Variants in RAB33B observed in about 807,000 individuals in gnomAD.
RAB33B encodes the protein RAB33B, member RAS oncogene family, also known as ras-related protein Rab-33B.
In RAB33B, 6 loss-of-function variants were observed where a neutral mutation model predicts 15.0. That is an observed-to-expected ratio of 0.40 (90% CI 0.22 to 0.79). RAB33B has a LOEUF of 0.79. Ranked by LOEUF, RAB33B falls within the 30% of genes least tolerant of loss-of-function variation. The probability of loss-of-function intolerance (pLI) is 0.37; values close to 1 mark genes in which losing one functional copy is unlikely to be tolerated. For synonymous variants in RAB33B, 117 were observed against 108.3 expected, an observed-to-expected ratio of 1.08 and a Z score of -0.50; for missense variants, 257 against 296.4, an observed-to-expected ratio of 0.87 and a Z score of 0.98.
At position 139,473,273 on chromosome 4, in the gene RAB33B, C is replaced by A; in HGVS notation, c.*147C>A. ...ATTGTCACGCTTTTGTATTTTGTAT[C>A]TACTTAAGTTTGTCACTGTGACAAC... is the stretch of plus-strand genomic sequence containing the variant. On this transcript the variant is annotated 3_prime_UTR_variant, in exon 2 of 2. Transcript: ENST00000305626. The A allele has an allele frequency of 1.3e-6, 1 of 778,506 alleles. No homozygotes were observed. Among genetic ancestry groups the A allele is most frequent in the Non-Finnish European group, 2.0e-6 (1 of 512,196 alleles). The allele number at this position is 778,506 out of a possible 1,614,324, so 48.2% of individuals were successfully genotyped here. A position where few individuals can be genotyped will look rare whatever the true frequency, so the allele number is the denominator to read the frequency against.
rs192074431 is a variant in RAB33B, at chr4:139,470,727, C to T, written c.250-1959C>T. ...GTATGCCAGCTGTTTTTTCAGGGCC[C>T]GAAGGCTCTTCAGTTAGCAGTGATG... On this transcript the variant is annotated intron_variant, in intron 1 of 1. Coordinates refer to ENST00000305626, the MANE Select transcript of RAB33B (RefSeq NM_031296.3). Among the ~76,000 whole-genome samples, 689 of 152,160 alleles carry T rather than the reference C, an allele frequency of 4.5e-3. 3 individuals are homozygous for T. Among genetic ancestry groups the T allele is most frequent in the Non-Finnish European group, 7.1e-3 (482 of 68,006 alleles).
chr4:139,438,705 A>G, the RAB33B span, among the ~76,000 whole-genome samples: 1 of 152,192 alleles, frequency 6.6e-6, no homozygotes, highest in Non-Finnish European at 1.5e-5. Flanking sequence ...CAATAACACT[A>G]GCTTTTGGCC....
chr4:139,451,103 C>G, upstream of RAB33B: 1 of 151,874 alleles, frequency 6.6e-6, no homozygotes, highest in East Asian at 1.9e-4. Flanking sequence ...GGTTTCGCCA[C>G]GTTGGCCAGG....
At chr4:139,456,363 C>T (rs549296497) in intron 1 of RAB33B, among the ~76,000 whole-genome samples, 1 of 152,060 alleles carries the variant, frequency 6.6e-6, no homozygotes, top group African/African-American at 2.4e-5. Flanking sequence ...GATTTGAGGG[C>T]CCTTTATCTG....
the RAB33B span, among the ~76,000 whole-genome samples, chr4:139,444,812 C>T: frequency 6.6e-6 from 1 of 152,144 alleles, no homozygotes. Context: ...TGGCAGAACC[C>T]CCACATTGGC....
chr4:139,459,217 T>C (rs1207559286), intron 1 of RAB33B, among the ~76,000 whole-genome samples: 1 of 151,154 alleles, frequency 6.6e-6, no homozygotes, highest in Middle Eastern at 3.3e-3. Flanking sequence ...CAAAGATCAC[T>C]TGAGCCCAGG....
At chr4:139,459,719 C>T (rs1463652955) in intron 1 of RAB33B, among the ~76,000 whole-genome samples, 3 of 151,854 alleles carry the variant, frequency 2.0e-5, no homozygotes, top group African/African-American at 4.8e-5. Flanking sequence ...CTGCAACCTC[C>T]GCCTTCAGGT....
chr4:139,463,998 C>T (rs1284704949), intron 1 of RAB33B, among the ~76,000 whole-genome samples: 2 of 152,200 alleles, frequency 1.3e-5, no homozygotes, highest in Admixed American at 6.5e-5. Flanking sequence ...TCAGGCTGGG[C>T]ATGATGGCTT....
the RAB33B span, among the ~76,000 whole-genome samples, chr4:139,440,837 C>G: frequency 6.6e-6 from 1 of 152,214 alleles, no homozygotes; most frequent in Non-Finnish European, 1.5e-5. Context: ...TCTTGAACTC[C>G]TGACCTCAGG....
chr4:139,447,156 C>G, the RAB33B span, among the ~76,000 whole-genome samples: 1 of 152,148 alleles, frequency 6.6e-6, no homozygotes, highest in Non-Finnish European at 1.5e-5. Context: ...GGCTCATGCT[C>G]ATGGAATTCA....
At position 139,458,991 on chromosome 4, in the gene RAB33B, A is replaced by G. The variant is rs1750119263; in HGVS notation, c.249+4547A>G. On this transcript the variant is annotated intron_variant, in intron 1 of 1. Coordinates refer to ENST00000305626, the MANE Select transcript of RAB33B (RefSeq NM_031296.3). ...GTATCTCATTGTGGTTTTGATTTAC[A>G]TTTCTCTCATGATTAGTGATGTTGA... is the stretch of plus-strand genomic sequence containing the variant. 1.3e-5 allele frequency among the ~76,000 whole-genome samples: 2 copies of G among 151,946 alleles called. 1 individual carries two copies. Among genetic ancestry groups the G allele is most frequent in the South Asian group, 4.1e-4 (2 of 4,828 alleles).
At position 139,475,038 on chromosome 4, in the gene RAB33B, A is replaced by T. The variant is rs1425678446; in HGVS notation, c.*1912A>T. The T allele has an allele frequency of 6.6e-6, 1 of 152,168 alleles. No individual in the cohort carries two copies. Among genetic ancestry groups the T allele is most frequent in the African/African-American group, 2.4e-5 (1 of 41,470 alleles). The allele number at this position is 152,168 out of a possible 1,614,324, so 9.4% of individuals were successfully genotyped here. ...AATGAACTAACTGAAAATAATAATT[A>T]TAGGAAGTGATTATTCCATTTTAAG... On this transcript the variant is annotated 3_prime_UTR_variant, in exon 2 of 2. Transcript: ENST00000305626.
chr4:139,446,104 C>A, the RAB33B span, among the ~76,000 whole-genome samples: 1 of 152,138 alleles, frequency 6.6e-6, no homozygotes, highest in African/African-American at 2.4e-5. Context: ...TATACGTGAT[C>A]AGGCTCGAGC....
upstream of RAB33B, chr4:139,449,874 T>C (rs1305082422): frequency 1.3e-5 from 2 of 152,106 alleles, no homozygotes; most frequent in Admixed American, 6.6e-5. Context: ...TTTACATATA[T>C]CAAATATTGG....
chr4:139,466,403 A>T (rs1246565163), intron 1 of RAB33B, among the ~76,000 whole-genome samples: 1 of 152,174 alleles, frequency 6.6e-6, no homozygotes, highest in Non-Finnish European at 1.5e-5. Context: ...AAAACATTAT[A>T]AGTCATTTTT....
At chr4:139,452,992 T>C (rs1361508321), upstream of RAB33B, 1 of 152,236 alleles carries the variant, frequency 6.6e-6, no homozygotes, top group African/African-American at 2.4e-5. Flanking sequence ...GCCTTTTGTA[T>C]GACAATATTG....
intron 1 of RAB33B, among the ~76,000 whole-genome samples, chr4:139,463,443 T>C (rs1362030910): frequency 1.3e-5 from 2 of 152,202 alleles, no homozygotes; most frequent in Non-Finnish European, 1.5e-5. Flanking sequence ...GCCAAGTATA[T>C]ATTATGTTAT....
At chr4:139,459,979 A>G (rs1750142323) in intron 1 of RAB33B, among the ~76,000 whole-genome samples, 1 of 152,200 alleles carries the variant, frequency 6.6e-6, no homozygotes, top group African/African-American at 2.4e-5. Flanking sequence ...AAAGTGTTGA[A>G]TATATAGAGG....
chr4:139,445,716 TACA>T, the RAB33B span, among the ~76,000 whole-genome samples: 5 of 152,314 alleles, frequency 3.3e-5, no homozygotes, highest in South Asian at 1.0e-3. Flanking sequence ...GAGAAGGCTC[TACA>T]ACATGTCCAG....
Sources: allele counts gnomAD v4.1 joint callset (sites outside exome capture counted in the v4.1 genomes callset), GRCh38; gene constraint gnomAD v4.1.1; transcripts MANE v1.5; gene names NCBI Gene and HGNC (gene_info 2026-07-23, HGNC 2026-07-21).